The following SUCO variants were observed in gnomAD, a reference collection of about 807,000 sequenced individuals.
SUCO encodes the protein SUN domain-containing ossification factor.
Under a neutral mutation model 148.1 loss-of-function variants are expected in SUCO, and 57 were observed. The ratio of observed to expected loss-of-function variants is 0.38; its 90% CI spans 0.31 to 0.48. The LOEUF is 0.48. Ranked by LOEUF, SUCO falls within the 20% of genes least tolerant of loss-of-function variation. The probability of loss-of-function intolerance (pLI) is 0.96; values close to 1 mark genes in which losing one functional copy is unlikely to be tolerated. For missense variants in SUCO, 1,331 were observed against 1,468.2 expected (o/e 0.91, Z 1.53); for synonymous variants, 470 against 502.7 (o/e 0.93, Z 0.87).
intron 23 of SUCO, chr1:172,609,381 T>G (rs914518901): frequency 1.5e-4 from 146 of 973,604 alleles, no homozygotes; most frequent in Non-Finnish European, 1.8e-4. Flanking sequence ...TAGCCTAAGA[T>G]TCATTCTCAA....
intron 6 of SUCO, among the ~76,000 whole-genome samples, chr1:172,562,327 A>ATTTT (rs34871543): frequency 1.7e-4 from 24 of 137,700 alleles, no homozygotes; most frequent in African/African-American, 2.4e-4. Flanking sequence ...GGGTTTTAAC[A>ATTTT]TTTTTTTTTT....
At chr1:172,539,013 C>A (rs973904714) in intron 1 of SUCO, among the ~76,000 whole-genome samples, 1 of 152,106 alleles carries the variant, frequency 6.6e-6, no homozygotes, top group East Asian at 1.9e-4. Context: ...TGGAAGCAGG[C>A]AGTAGGGTTG....
intron 14 of SUCO, among the ~76,000 whole-genome samples, chr1:172,578,803 G>A (rs1405559756): frequency 6.6e-6 from 1 of 151,980 alleles, no homozygotes; most frequent in Non-Finnish European, 1.5e-5. Context: ...ACTCTAAAGA[G>A]TTAGAGGAAA....
At chr1:172,572,093 G>A (rs1205521276) in intron 9 of SUCO, among the ~76,000 whole-genome samples, 2 of 92,868 alleles carry the variant, frequency 2.2e-5, no homozygotes, top group Admixed American at 1.1e-4. Context: ...GTCAGCCCCC[G>A]CCTGGCAAGC....
At chr1:172,545,856 G>A (rs1197855491) in intron 1 of SUCO, among the ~76,000 whole-genome samples, 1 of 152,144 alleles carries the variant, frequency 6.6e-6, no homozygotes, top group African/African-American at 2.4e-5. Context: ...ATACTGAGTT[G>A]AGGCATATAG....
chr1:172,532,945 C>T (rs1012552201), upstream of SUCO: 22 of 1,364,446 alleles, frequency 1.6e-5, no homozygotes, highest in South Asian at 3.0e-5. Context: ...TCCGGCTTCT[C>T]CGCCTGCGAC....
intron 1 of SUCO, among the ~76,000 whole-genome samples, chr1:172,539,224 A>C (rs1652255876): frequency 6.6e-6 from 1 of 152,204 alleles, no homozygotes. Flanking sequence ...ATTATTCTCA[A>C]GTCATCTTCA....
At chr1:172,578,487 C>A in intron 14 of SUCO, 98 bp downstream of exon 14, 1 of 1,399,488 alleles carries the variant, frequency 7.1e-7, no homozygotes, top group Non-Finnish European at 9.4e-7. Context: ...ATCAATATGA[C>A]TGTTGTCTTC....
At chr1:172,565,372 T>G (rs745832926) in intron 6 of SUCO, among the ~76,000 whole-genome samples, 10 of 152,238 alleles carry the variant, frequency 6.6e-5, no homozygotes, top group Non-Finnish European at 1.5e-4. Flanking sequence ...TGCAACTCGC[T>G]GTTAGGAAAA....
chr1:172,595,152 C>G (rs1229363938), intron 19 of SUCO, among the ~76,000 whole-genome samples: 3 of 152,134 alleles, frequency 2.0e-5, no homozygotes, highest in African/African-American at 4.8e-5. Context: ...CTTCCTCCAT[C>G]CCTTTATTTT....
chr1:172,588,680 A>G lies in SUCO; in HGVS notation c.1659-80A>G. 7.7e-6 allele frequency: 10 copies of G among 1,292,608 alleles called. No homozygotes were observed. The South Asian group carries it at 1.5e-4, about 19-fold the overall frequency. The allele number at this position is 1,292,608 out of a possible 1,614,324, so 80.1% of individuals were successfully genotyped here. A position where few individuals can be genotyped will look rare whatever the true frequency, so the allele number is the denominator to read the frequency against. On this transcript the variant is annotated intron_variant, in intron 17 of 23. Transcript: ENST00000263688. ...TTCCAACCTTTTATCTTCTGTATGGATACATTTATTTTTCTTTAACATATT... is the reference window on the plus strand; with the variant it reads ...TTCCAACCTTTTATCTTCTGTATGGGTACATTTATTTTTCTTTAACATATT...
intron 1 of SUCO, among the ~76,000 whole-genome samples, chr1:172,545,002 G>T (rs1175197543): frequency 6.6e-6 from 1 of 152,140 alleles, no homozygotes; most frequent in Non-Finnish European, 1.5e-5. Context: ...ATTGAGAAAT[G>T]ATTTGAAGAA....
chr1:172,555,295 G>A, intron 3 of SUCO: 1 of 621,166 alleles, frequency 1.6e-6, no homozygotes. Flanking sequence ...ATTCTGTTTA[G>A]GGTTGATCTT....
intron 2 of SUCO, chr1:172,552,592 T>A: frequency 3.1e-6 from 3 of 973,398 alleles, no homozygotes; most frequent in Non-Finnish European, 3.7e-6. Flanking sequence ...AAATTTAAGT[T>A]ATGTTGGATA....
At chr1:172,598,841 A>G in intron 19 of SUCO, among the ~76,000 whole-genome samples, 1 of 152,216 alleles carries the variant, frequency 6.6e-6, no homozygotes, top group East Asian at 1.9e-4. Context: ...TTAAAAAGTC[A>G]CATTTAGCAT....
intron 19 of SUCO, among the ~76,000 whole-genome samples, chr1:172,597,816 G>A (rs921992314): frequency 2.6e-5 from 4 of 151,992 alleles, no homozygotes; most frequent in East Asian, 1.9e-4. Context: ...CTTATACTGC[G>A]GAGTTTTGTT....
At chr1:172,591,498 C>A (rs2149262352) in intron 19 of SUCO, among the ~76,000 whole-genome samples, 1 of 136,534 alleles carries the variant, frequency 7.3e-6, no homozygotes, top group South Asian at 2.3e-4. Flanking sequence ...TCTCATTGTT[C>A]AATTCCCACC....
intron 15 of SUCO, among the ~76,000 whole-genome samples, chr1:172,583,539 T>G (rs571732780): frequency 2.5e-4 from 38 of 152,318 alleles, no homozygotes; most frequent in African/African-American, 9.1e-4. Context: ...CAGGCAGCAC[T>G]CTTTGGTTTA....
In SUCO at chr1:172,610,345, GA is replaced by G; in HGVS notation, c.*87del. 6.9e-7 allele frequency: 1 copy of G among 1,447,582 alleles called. No homozygotes were observed. The highest frequency in any genetic ancestry group is 9.1e-7 in the Non-Finnish European group (1 of 1,099,034). 89.7% of individuals were successfully genotyped at this position (1,447,582 alleles called of 1,614,324 possible). A position where few individuals can be genotyped will look rare whatever the true frequency, so the allele number is the denominator to read the frequency against. On this transcript the variant is annotated 3_prime_UTR_variant, in exon 24 of 24. Transcript: ENST00000263688. ...TAGTATTTGAAGGGTTTGGGGGAGG[GA>G]GAAAATATTAATGGGAAAGGCATTC...
Sources: gnomAD v4.1 joint callset for allele counts (sites outside exome capture counted in the v4.1 genomes callset) on GRCh38, gnomAD v4.1.1 for gene constraint, MANE v1.5 for transcripts, NCBI Gene and HGNC (gene_info 2026-07-23, HGNC 2026-07-21) for gene names.